The following P3H2 variants were observed in gnomAD, a reference collection of about 807,000 sequenced individuals.
The protein encoded by P3H2 is leprecan-like 1.
A neutral mutation model predicts 87.0 loss-of-function variants in P3H2; 80 were observed. The ratio of observed to expected loss-of-function variants is 0.92; its 90% CI spans 0.77 to 1.11. The LOEUF is 1.11. Among genes scored for constraint, P3H2 ranks in the 50% least tolerant of loss-of-function variants. P3H2 has a pLI of 0.00. For missense variants in P3H2, 1,001 were observed against 923.9 expected (o/e 1.08, Z -1.08); for synonymous variants, 367 against 359.3 (o/e 1.02, Z -0.24).
intron 1 of P3H2, among the ~76,000 whole-genome samples, chr3:190,113,172 A>G (rs1712140002): frequency 6.6e-6 from 1 of 152,198 alleles, no homozygotes; most frequent in African/African-American, 2.4e-5. Context: ...CATGACTGTT[A>G]CATAGAGGCT....
rs75204350 is a variant in P3H2, at chr3:189,959,860, A to ATGTGTGTGTG, written c.2035-1866_2035-1857dup. ...GTAACTCTCCAGGACTGGAGGAGAT[A>ATGTGTGTGTG]TGTGTGTGTGTGTGTGTGTGTGTGT... On this transcript the variant is annotated intron_variant, in intron 14 of 14. Transcript: ENST00000319332. Among the ~76,000 whole-genome samples the ATGTGTGTGTG allele has an allele frequency of 1.7e-3, 235 of 134,844 alleles. 1 individual carries two copies. Among genetic ancestry groups the ATGTGTGTGTG allele is most frequent in the African/African-American group, 5.2e-3 (192 of 36,604 alleles). 88.5% of individuals were successfully genotyped at this position (134,844 alleles called of 152,430 possible).
chr3:189,972,218 C>T lies in P3H2; in HGVS notation c.1700-211G>A, dbSNP rs183871685. Among the ~76,000 whole-genome samples, 286 of 152,346 alleles carry T rather than the reference C, an allele frequency of 1.9e-3. 1 individual carries two copies. The highest frequency in any genetic ancestry group is 6.3e-3 in the African/African-American group (262 of 41,580). ...TGGATGTGAAACCTTGAGCATGTCA[C>T]ACCTGTCTCTTCAGCTATAAAAGTT... On this transcript the variant is annotated intron_variant, in intron 11 of 14. Transcript: ENST00000319332.
intron 1 of P3H2, among the ~76,000 whole-genome samples, chr3:190,079,338 CAAAAAATAAATAAATA>C (rs996938230): frequency 3.9e-5 from 5 of 128,280 alleles, no homozygotes; most frequent in East Asian, 2.1e-4. Context: ...GACTCTGTCT[CAAAAAATAAATAAATA>C]AATAAATAAA....
chr3:190,051,322 A>G lies in P3H2; in HGVS notation c.481-55880T>C, dbSNP rs148776633. Among the ~76,000 whole-genome samples the G allele has an allele frequency of 3.4e-4, 52 of 151,310 alleles. No homozygotes were observed. In the East Asian group the frequency reaches 6.1e-3, roughly 18 times the overall value. On this transcript the variant is annotated intron_variant, in intron 1 of 14. Coordinates refer to ENST00000319332, the MANE Select transcript of P3H2 (RefSeq NM_018192.4). ...TAACATTTGTTTTTTCTCTATAAAA[A>G]ATGGAAATAGGAAAAAATGACATAG...
At chr3:190,063,090 A>G (rs1200582252) in intron 1 of P3H2, among the ~76,000 whole-genome samples, 1 of 152,146 alleles carries the variant, frequency 6.6e-6, no homozygotes, top group Non-Finnish European at 1.5e-5. Context: ...ACATTCCCCA[A>G]CAAATGGCTC....
chr3:189,973,511 CTTTTTTTTTTT>C (rs869099221), intron 10 of P3H2, among the ~76,000 whole-genome samples: 13 of 35,462 alleles, frequency 3.7e-4, no homozygotes, highest in Non-Finnish European at 2.5e-4. Context: ...TTCTTTCTTT[CTTTTTTTTTTT>C]TTTTTTTTTT....
chr3:189,989,110 G>T, intron 3 of P3H2, 72 bp from the exon 4 acceptor site: 1 of 1,571,360 alleles, frequency 6.4e-7, no homozygotes, highest in South Asian at 1.1e-5. Flanking sequence ...CACAGCCACA[G>T]TTACACAGGT....
chr3:189,974,080 A>C, intron 9 of P3H2, 76 bp from the exon 10 acceptor site: 2 of 1,169,928 alleles, frequency 1.7e-6, no homozygotes, highest in Non-Finnish European at 2.6e-6. Context: ...TTTGGCTGCC[A>C]GAAAGCTGAG....
At chr3:190,018,555 A>T (rs929628880) in intron 1 of P3H2, among the ~76,000 whole-genome samples, 5 of 152,094 alleles carry the variant, frequency 3.3e-5, no homozygotes, top group Non-Finnish European at 7.4e-5. Flanking sequence ...TAAAAAATTT[A>T]AAAATTAGCT....
Position 189,994,200 on chromosome 3 carries a change from T to A in P3H2, c.717A>T (p.Glu239Asp). ...AIRHFEQALR[E>D]YFVEDTECRT... ...GGCATTCTGTATCTTCAACGAAATATTCTCTTAAGGCTTGTTCGAAGTGCC... is the reference window on the plus strand; with the variant it reads ...GGCATTCTGTATCTTCAACGAAATAATCTCTTAAGGCTTGTTCGAAGTGCC... Residue 239 changes from glutamate (E) to aspartate (D), a missense_variant, in exon 3 of 15, where the codon GAA (glutamate) becomes GAT (aspartate). Glu to Asp is a conservative substitution (Grantham distance 45). Transcript: ENST00000319332. 6.2e-7 allele frequency: 1 copy of A among 1,613,834 alleles called. No individual in the cohort carries two copies. The highest frequency in any genetic ancestry group is 8.5e-7 in the Non-Finnish European group (1 of 1,179,850).
intron 1 of P3H2, among the ~76,000 whole-genome samples, chr3:190,117,165 A>C (rs2108528255): frequency 6.6e-6 from 1 of 152,334 alleles, no homozygotes; most frequent in South Asian, 2.1e-4. Context: ...GCCACTAAAT[A>C]TGTGACACTG....
intron 1 of P3H2, among the ~76,000 whole-genome samples, chr3:190,023,707 A>T (rs546625322): frequency 2.2e-4 from 34 of 152,306 alleles, no homozygotes; most frequent in Non-Finnish European, 4.7e-4. Flanking sequence ...GAGTCTATTT[A>T]TCTATGTAAA....
At chr3:189,979,044 A>G (rs1047966989) in intron 8 of P3H2, among the ~76,000 whole-genome samples, 1 of 152,194 alleles carries the variant, frequency 6.6e-6, no homozygotes, top group Middle Eastern at 3.2e-3. Flanking sequence ...GAATCACTTT[A>G]TCAGAAATTC....
intron 13 of P3H2, among the ~76,000 whole-genome samples, chr3:189,966,082 G>GAAA (rs2108904290): frequency 1.6e-5 from 2 of 121,260 alleles, no homozygotes; most frequent in African/African-American, 7.1e-5. Flanking sequence ...AGGAAAGAAA[G>GAAA]GAAGAAAGAA....
chr3:189,976,297 G>A (rs1164234511), intron 8 of P3H2, among the ~76,000 whole-genome samples: 1 of 152,132 alleles, frequency 6.6e-6, no homozygotes. Flanking sequence ...CCTGAGACTG[G>A]GAAATTATAA....
intron 1 of P3H2, among the ~76,000 whole-genome samples, chr3:190,053,347 T>A (rs1726042540): frequency 1.3e-5 from 2 of 152,156 alleles, no homozygotes; most frequent in Admixed American, 1.3e-4. Context: ...ATTTTAAGAA[T>A]TCTTTATATA....
At chr3:189,973,299 G>T in intron 10 of P3H2, 1 of 368,486 alleles carries the variant, frequency 2.7e-6, no homozygotes, top group Non-Finnish European at 4.9e-6. Context: ...CTGCAGTAGA[G>T]AATAATTACT....
chr3:190,046,304 T>C (rs1725802503), intron 1 of P3H2, among the ~76,000 whole-genome samples: 1 of 152,206 alleles, frequency 6.6e-6, no homozygotes, highest in Non-Finnish European at 1.5e-5. Context: ...CACACTTATT[T>C]TGAATAAACG....
intron 7 of P3H2, among the ~76,000 whole-genome samples, chr3:189,984,316 CT>C (rs904445607): frequency 1.3e-5 from 1 of 77,216 alleles, no homozygotes; most frequent in East Asian, 6.1e-4. Context: ...TGATTTAACC[CT>C]TTTTTTCCTG....
Sources: gnomAD v4.1 joint callset for allele counts (sites outside exome capture counted in the v4.1 genomes callset) on GRCh38, gnomAD v4.1.1 for gene constraint, MANE v1.5 for transcripts, NCBI Gene and HGNC (gene_info 2026-07-23, HGNC 2026-07-21) for gene names.